ATP11B: variants seen among roughly 807,000 people sequenced by gnomAD.
The protein encoded by ATP11B is ATPase phospholipid transporting 11B (putative).
ATP11B carries 81 observed loss-of-function variants against 157.8 expected under a neutral mutation model. The observed-to-expected ratio is 0.51, with a 90% CI of 0.43 to 0.62. The LOEUF (loss-of-function observed/expected upper bound fraction) is 0.62. Ranked by LOEUF, ATP11B falls within the 20% of genes least tolerant of loss-of-function variation. ATP11B has a pLI of 0.00. For synonymous variants in ATP11B, 451 were observed against 469.4 expected (o/e 0.96, Z 0.51); for missense variants, 1,165 against 1,402.2 (o/e 0.83, Z 2.70).
intron 2 of ATP11B, among the ~76,000 whole-genome samples, chr3:182,827,007 C>T (rs921939709): frequency 3.3e-5 from 5 of 152,114 alleles, no homozygotes; most frequent in Non-Finnish European, 5.9e-5. Flanking sequence ...CGTTGTCAAC[C>T]ATATTTATTT....
At chr3:182,848,272 C>G (rs889704232) in intron 9 of ATP11B, among the ~76,000 whole-genome samples, 3 of 152,194 alleles carry the variant, frequency 2.0e-5, no homozygotes, top group African/African-American at 7.2e-5. Flanking sequence ...TCCATGCCCT[C>G]CCCCATTTAG....
chr3:182,820,448 C>A, intron 2 of ATP11B, 72 bp downstream of exon 2: 2 of 1,038,698 alleles, frequency 1.9e-6, no homozygotes, highest in Non-Finnish European at 3.0e-6. Flanking sequence ...CTTTGGGAGG[C>A]CAAGGCGAGA....
intron 9 of ATP11B, among the ~76,000 whole-genome samples, chr3:182,846,850 T>C (rs1386382490): frequency 6.6e-6 from 1 of 152,148 alleles, no homozygotes; most frequent in African/African-American, 2.4e-5. Context: ...GTTTGCTTAA[T>C]GGGTACAGGG....
At chr3:182,869,743 TCTA>T (rs1383598772) in intron 17 of ATP11B, among the ~76,000 whole-genome samples, 1 of 152,228 alleles carries the variant, frequency 6.6e-6, no homozygotes, top group Non-Finnish European at 1.5e-5. Flanking sequence ...ACACAGCAGT[TCTA>T]CTCCTGGGTG....
chr3:182,899,359 G>A (rs1053621156), intron 28 of ATP11B, among the ~76,000 whole-genome samples: 20 of 151,902 alleles, frequency 1.3e-4, no homozygotes, highest in African/African-American at 4.3e-4. Flanking sequence ...CACCATGTTG[G>A]CTAGACTGGT....
At chr3:182,800,818 T>A (rs1715954879) in intron 1 of ATP11B, among the ~76,000 whole-genome samples, 1 of 151,310 alleles carries the variant, frequency 6.6e-6, no homozygotes, top group Admixed American at 6.6e-5. Flanking sequence ...TCTCGCTTTG[T>A]CACCCAGGCT....
At chr3:182,855,944 A>G (rs1298903355) in intron 10 of ATP11B, among the ~76,000 whole-genome samples, 3 of 152,198 alleles carry the variant, frequency 2.0e-5, no homozygotes, top group Non-Finnish European at 4.4e-5. Context: ...GGAATTAAAA[A>G]TAGTATACCC....
intron 28 of ATP11B, among the ~76,000 whole-genome samples, chr3:182,911,089 G>T (rs1724748760): frequency 6.6e-6 from 1 of 152,046 alleles, no homozygotes; most frequent in South Asian, 2.1e-4. Flanking sequence ...TTATGGATCA[G>T]CATTGATCTA....
intron 7 of ATP11B, among the ~76,000 whole-genome samples, chr3:182,838,147 TA>T (rs1718700261): frequency 6.6e-6 from 1 of 152,092 alleles, no homozygotes. Flanking sequence ...TGTGATGTTA[TA>T]AAAATTGTAT....
At chr3:182,883,721 C>T (rs1445072350) in intron 21 of ATP11B, among the ~76,000 whole-genome samples, 3 of 150,812 alleles carry the variant, frequency 2.0e-5, no homozygotes, top group Admixed American at 6.6e-5. Flanking sequence ...TTTGGGAGGC[C>T]GAGGCGGGCG....
At chr3:182,838,674 A>G (rs1321435322) in intron 7 of ATP11B, among the ~76,000 whole-genome samples, 1 of 151,990 alleles carries the variant, frequency 6.6e-6, no homozygotes, top group East Asian at 1.9e-4. Context: ...GAATAAGATG[A>G]AAAGGAATAG....
intron 15 of ATP11B, among the ~76,000 whole-genome samples, chr3:182,867,704 C>T (rs1721354394): frequency 6.6e-6 from 1 of 151,694 alleles, no homozygotes; most frequent in Admixed American, 6.6e-5. Context: ...GTGCCTCAGC[C>T]TCCCAGGTAG....
intron 10 of ATP11B, among the ~76,000 whole-genome samples, chr3:182,848,808 C>T (rs1423645693): frequency 2.0e-5 from 3 of 151,726 alleles, no homozygotes; most frequent in African/African-American, 4.8e-5. Flanking sequence ...ATCACACTAA[C>T]GCAGATAACA....
At chr3:182,827,501 C>G (rs950042266) in intron 2 of ATP11B, among the ~76,000 whole-genome samples, 1 of 151,800 alleles carries the variant, frequency 6.6e-6, no homozygotes, top group African/African-American at 2.4e-5. Context: ...CAGTTTAACC[C>G]CAAGCATCTA....
At chr3:182,900,856 G>A (rs909549307) in intron 28 of ATP11B, among the ~76,000 whole-genome samples, 1 of 151,740 alleles carries the variant, frequency 6.6e-6, no homozygotes, top group Non-Finnish European at 1.5e-5. Flanking sequence ...GACCAGCCTG[G>A]CCAACATGGT....
intron 9 of ATP11B, among the ~76,000 whole-genome samples, chr3:182,847,120 G>A (rs1349756093): frequency 4.8e-5 from 7 of 147,164 alleles, no homozygotes; most frequent in Admixed American, 2.8e-4. Context: ...GCACGATCTC[G>A]GCTCATTGCA....
chr3:182,911,278 C>CCCA (rs999574948), intron 28 of ATP11B, among the ~76,000 whole-genome samples: 1 of 124,682 alleles, frequency 8.0e-6, no homozygotes, highest in Non-Finnish European at 1.6e-5. Context: ...AATGCCCCCC[C>CCCA]CCGCTAAGTC....
intron 10 of ATP11B, among the ~76,000 whole-genome samples, chr3:182,850,309 C>T (rs943606772): frequency 3.9e-5 from 6 of 152,068 alleles, no homozygotes; most frequent in African/African-American, 1.4e-4. Flanking sequence ...TCCGTCTCTA[C>T]TAAAAATACA....
At chr3:182,829,121 T>C (rs182358353) in intron 3 of ATP11B, among the ~76,000 whole-genome samples, 1 of 152,284 alleles carries the variant, frequency 6.6e-6, no homozygotes, top group African/African-American at 2.4e-5. Flanking sequence ...GCTAACCATA[T>C]CCACGTAACA....
Sources: allele counts gnomAD v4.1 joint callset (sites outside exome capture counted in the v4.1 genomes callset), GRCh38; gene constraint gnomAD v4.1.1; transcripts MANE v1.5; gene names NCBI Gene and HGNC (gene_info 2026-07-23, HGNC 2026-07-21).